Variants in STAU2 observed in about 807,000 individuals in gnomAD.
STAU2 encodes staufen double-stranded RNA binding protein 2.
A neutral mutation model predicts 65.9 loss-of-function variants in STAU2; 20 were observed. The observed-to-expected ratio is 0.30, with a 90% CI of 0.21 to 0.44. STAU2 has a LOEUF of 0.44. Ranked by LOEUF, STAU2 falls within the 20% of genes least tolerant of loss-of-function variation. The pLI is 1.00. For synonymous variants in STAU2, 232 were observed against 233.9 expected, an observed-to-expected ratio of 0.99 and a Z score of 0.07; for missense variants, 558 against 683.9, an observed-to-expected ratio of 0.82 and a Z score of 2.05.
intron 13 of STAU2, among the ~76,000 whole-genome samples, chr8:73,541,550 A>G (rs1385055179): frequency 6.6e-6 from 1 of 152,204 alleles, no homozygotes; most frequent in African/African-American, 2.4e-5. Flanking sequence ...GAAACTAAAG[A>G]CATGCAAAAA....
intron 4 of STAU2, among the ~76,000 whole-genome samples, chr8:73,698,664 T>C (rs949174672): frequency 2.0e-5 from 3 of 152,026 alleles, no homozygotes; most frequent in Non-Finnish European, 4.4e-5. Flanking sequence ...AAGCAAATAT[T>C]ATTAGACCTA....
intron 6 of STAU2, among the ~76,000 whole-genome samples, chr8:73,665,710 T>A (rs1449835882): frequency 6.6e-6 from 1 of 152,154 alleles, no homozygotes; most frequent in Admixed American, 6.5e-5. Context: ...TCACTGCTGG[T>A]ACAAATACAG....
chr8:73,571,049 A>G (rs1301443930), intron 12 of STAU2, among the ~76,000 whole-genome samples: 3 of 152,222 alleles, frequency 2.0e-5, no homozygotes, highest in Admixed American at 6.5e-5. Context: ...GGATGGAGGA[A>G]GATCTACCAA....
chr8:73,539,629 G>T (rs929627463), intron 13 of STAU2, among the ~76,000 whole-genome samples: 8 of 152,112 alleles, frequency 5.3e-5, no homozygotes, highest in Admixed American at 2.0e-4. Flanking sequence ...GATCTCTTGA[G>T]CTGAGGAGTT....
At chr8:73,517,209 G>T (rs953952947) in intron 13 of STAU2, among the ~76,000 whole-genome samples, 2 of 151,994 alleles carry the variant, frequency 1.3e-5, no homozygotes, top group African/African-American at 4.8e-5. Flanking sequence ...TTGAGCCCAG[G>T]AGCTCATGAC....
At chr8:73,482,702 A>G (rs570308318) in intron 13 of STAU2, among the ~76,000 whole-genome samples, 37 of 152,276 alleles carry the variant, frequency 2.4e-4, no homozygotes, top group Non-Finnish European at 5.3e-4. Context: ...ATGGTCAGAG[A>G]AATTAAGAAT....
chr8:73,444,945 G>A (rs891651697), intron 13 of STAU2, among the ~76,000 whole-genome samples: 1 of 152,200 alleles, frequency 6.6e-6, no homozygotes, highest in Non-Finnish European at 1.5e-5. Flanking sequence ...GCTAGGAGAA[G>A]CCTTCAGAGG....
At chr8:73,682,612 AAAG>A (rs1436741207) in intron 5 of STAU2, among the ~76,000 whole-genome samples, 1 of 152,130 alleles carries the variant, frequency 6.6e-6, no homozygotes, top group East Asian at 1.9e-4. Flanking sequence ...AAGAAATAAC[AAAG>A]ATGAGAGCAG....
intron 4 of STAU2, among the ~76,000 whole-genome samples, chr8:73,700,555 G>T (rs1820026324): frequency 6.6e-6 from 1 of 151,790 alleles, no homozygotes; most frequent in Non-Finnish European, 1.5e-5. Context: ...AATCAAAAAA[G>T]TAATCCCATT....
intron 13 of STAU2, among the ~76,000 whole-genome samples, chr8:73,456,177 G>A (rs1193059174): frequency 2.0e-5 from 3 of 152,206 alleles, no homozygotes; most frequent in Non-Finnish European, 4.4e-5. Flanking sequence ...GCATTGTTCA[G>A]TTAAAAACCG....
chr8:73,489,974 T>C (rs1821082736), intron 13 of STAU2, among the ~76,000 whole-genome samples: 1 of 152,048 alleles, frequency 6.6e-6, no homozygotes, highest in African/African-American at 2.4e-5. Context: ...GCATATAAAA[T>C]CTTCTCAGAA....
In STAU2 at chr8:73,555,104, T is replaced by C. The variant is rs557502193; in HGVS notation, c.1223-2785A>G. Among the ~76,000 whole-genome samples, 7 of 152,266 alleles carry C rather than the reference T, an allele frequency of 4.6e-5. No homozygotes were observed. The East Asian group carries it at 7.7e-4, about 17-fold the overall frequency. On this transcript the variant is annotated intron_variant, in intron 12 of 14. Transcript: ENST00000524300. ...AACGAAAATGGATAATACAATGTGA[T>C]AGGGGTCTCACTAGAGACAGGTGTA...
At chr8:73,544,429 T>C (rs1012570628) in intron 13 of STAU2, among the ~76,000 whole-genome samples, 1 of 152,232 alleles carries the variant, frequency 6.6e-6, no homozygotes, top group Non-Finnish European at 1.5e-5. Flanking sequence ...CAGTGGTCTT[T>C]GTCTAATGGC....
chr8:73,632,244 A>T (rs1814151075), intron 6 of STAU2, among the ~76,000 whole-genome samples: 4 of 152,136 alleles, frequency 2.6e-5, no homozygotes, highest in Admixed American at 2.6e-4. Flanking sequence ...TATGTAAACA[A>T]CTATTAAGTT....
At chr8:73,601,373 G>T (rs1221889049) in intron 10 of STAU2, among the ~76,000 whole-genome samples, 1 of 152,054 alleles carries the variant, frequency 6.6e-6, no homozygotes, top group Non-Finnish European at 1.5e-5. Flanking sequence ...CCAAAAAAAT[G>T]AAAAGCTTTA....
rs144999597 is a variant in STAU2, at chr8:73,517,198, A to G, written c.1530+34814T>C. 2.0e-3 allele frequency among the ~76,000 whole-genome samples: 303 copies of G among 152,248 alleles called. 5 individuals carry two copies. Among genetic ancestry groups the G allele is most frequent in the Middle Eastern group, 3.4e-3 (1 of 294 alleles). The stretch of plus-strand genomic sequence containing the variant: ...TTGGGAGCCTGAGGTGGAAGGATCA[A>G]TTGAGCCCAGGAGCTCATGACCAGG... On this transcript the variant is annotated intron_variant, in intron 13 of 14. Transcript: ENST00000524300.
intron 10 of STAU2, among the ~76,000 whole-genome samples, chr8:73,601,134 C>A (rs934617437): frequency 2.0e-5 from 3 of 152,098 alleles, no homozygotes; most frequent in Non-Finnish European, 2.9e-5. Context: ...TTTAAGACTG[C>A]CAAATGTTTG....
At chr8:73,709,822 A>T (rs1820762585) in intron 3 of STAU2, among the ~76,000 whole-genome samples, 1 of 152,000 alleles carries the variant, frequency 6.6e-6, no homozygotes, top group East Asian at 1.9e-4. Flanking sequence ...CATTCCTGTT[A>T]AGTTCCTTAT....
intron 9 of STAU2, among the ~76,000 whole-genome samples, chr8:73,610,538 CAAAA>C (rs59599554): frequency 3.2e-5 from 3 of 95,136 alleles, no homozygotes. Context: ...GACCCCGTCT[CAAAA>C]AAAAAAAAAA....
Sources: gnomAD v4.1 joint callset for allele counts (sites outside exome capture counted in the v4.1 genomes callset) on GRCh38, gnomAD v4.1.1 for gene constraint, MANE v1.5 for transcripts, NCBI Gene and HGNC (gene_info 2026-07-23, HGNC 2026-07-21) for gene names.